GLB1: variants seen among roughly 807,000 people sequenced by gnomAD.
GLB1 encodes beta-galactosidase.
In GLB1, 56 loss-of-function variants were observed where a neutral mutation model predicts 74.0. The observed-to-expected ratio is 0.76, with a 90% confidence interval of 0.61 to 0.94. GLB1 has a LOEUF of 0.94. Ranked by LOEUF, GLB1 falls within the 40% of genes least tolerant of loss-of-function variation. The pLI is 0.00. For synonymous variants in GLB1, 323 were observed against 323.6 expected (o/e 1.00, Z 0.02); for missense variants, 787 against 845.5 (o/e 0.93, Z 0.86).
chr3:33,089,754 G>C (rs1165854653), intron 1 of GLB1, among the ~76,000 whole-genome samples: 1 of 152,118 alleles, frequency 6.6e-6, no homozygotes, highest in Non-Finnish European at 1.5e-5. Flanking sequence ...CTGGAGGAAG[G>C]GGGAAATGGA....
chr3:33,087,083 G>A (rs1020412289), intron 1 of GLB1, among the ~76,000 whole-genome samples: 7 of 149,814 alleles, frequency 4.7e-5, no homozygotes, highest in African/African-American at 1.7e-4. Flanking sequence ...AATGAAGAGG[G>A]GACATTATAA....
chr3:33,024,314 T>C lies in GLB1; in HGVS notation c.1080A>G (p.Val360=). Residue 360 remains valine, a synonymous_variant, in exon 11 of 16, where the codon GTA becomes GTG. Transcript: ENST00000307363. ...TAGATGGAGGGATAGGACCTTCTGG[T>C]ACTTTTTCAAACTATAAACCAGAGT... The part of the protein sequence containing the change: ...LRNIIQKFEK[V]PEGPIPPSTP... The C allele has an allele frequency of 1.9e-6, 3 of 1,612,706 alleles. No individual in the cohort carries two copies. Among genetic ancestry groups the C allele is most frequent in the Non-Finnish European group, 2.5e-6 (3 of 1,179,796 alleles).
At chr3:33,067,088 T>C (rs1359393435) in intron 4 of GLB1, among the ~76,000 whole-genome samples, 1 of 150,802 alleles carries the variant, frequency 6.6e-6, no homozygotes, top group Non-Finnish European at 1.5e-5. Flanking sequence ...CTGCAACCTC[T>C]GCCTCCCAGC....
intron 15 of GLB1, among the ~76,000 whole-genome samples, chr3:32,998,824 A>G (rs1393868751): frequency 6.6e-6 from 1 of 152,178 alleles, no homozygotes; most frequent in Non-Finnish European, 1.5e-5. Context: ...GTTCTGCAAC[A>G]CAACTCTGCT....
At chr3:32,994,671 G>A (rs192960862), downstream of GLB1, among the ~76,000 whole-genome samples, 231 of 152,042 alleles carry the variant, frequency 1.5e-3, no homozygotes, top group African/African-American at 5.0e-3. Context: ...CTGTAATCCC[G>A]GCGATTTGGG....
chr3:33,053,629 C>G (rs75639377), intron 6 of GLB1, 80 bp from the exon 7 acceptor site: 2 of 1,584,890 alleles, frequency 1.3e-6, no homozygotes, highest in Admixed American at 3.4e-5. Flanking sequence ...TCATGGGACT[C>G]GGGCCTGAAG....
rs66685286 is a variant in GLB1, at chr3:33,042,370, CTTTTTTT to C, written c.1068+3743_1068+3749del. Among the ~76,000 whole-genome samples, 69 of 99,236 alleles carry C rather than the reference CTTTTTTT, an allele frequency of 7.0e-4. 1 individual carries two copies. Among genetic ancestry groups the C allele is most frequent in the Non-Finnish European group, 9.9e-4 (50 of 50,488 alleles). The allele number at this position is 99,236 out of a possible 152,430, so 65.1% of individuals were successfully genotyped here. A position where few individuals can be genotyped will look rare whatever the true frequency, so the allele number is the denominator to read the frequency against. Reference sequence around the variant, plus strand: ...TATATCCCTGACCCCTCATCTCCTCCTTTTTTTTTTTTTTTTTTTCCAAGTCTCGCTC... The same window carrying C: ...TATATCCCTGACCCCTCATCTCCTCCTTTTTTTTTTTTCCAAGTCTCGCTC... On this transcript the variant is annotated intron_variant, in intron 10 of 15. Coordinates refer to ENST00000307363, the MANE Select transcript of GLB1 (RefSeq NM_000404.4).
intron 10 of GLB1, chr3:33,030,286 A>T (rs1371814975): frequency 6.3e-6 from 1 of 159,292 alleles, no homozygotes; most frequent in African/African-American, 2.4e-5. Context: ...TTTAGATACT[A>T]CACTTGATCT....
At chr3:33,030,804 T>C (rs1697972899) in intron 10 of GLB1, 1 of 985,318 alleles carries the variant, frequency 1.0e-6, no homozygotes, top group Non-Finnish European at 1.2e-6. Flanking sequence ...CTTACGTTGA[T>C]GGAATCCCTA....
At chr3:33,081,353 G>A (rs990707630) in intron 1 of GLB1, among the ~76,000 whole-genome samples, 2 of 152,330 alleles carry the variant, frequency 1.3e-5, no homozygotes, top group South Asian at 2.1e-4. Flanking sequence ...CTATTGGTAA[G>A]AGCCCAGTCC....
chr3:33,079,747 A>C (rs987755801), intron 1 of GLB1, among the ~76,000 whole-genome samples: 2 of 152,100 alleles, frequency 1.3e-5, no homozygotes, highest in African/African-American at 2.4e-5. Context: ...GCACTTTGGG[A>C]GGGATATAGG....
In GLB1 at chr3:33,094,318, C is replaced by A. The variant is rs1700911583; in HGVS notation, c.75+2693G>T. ...GTCAACTCCGCCTGCAACCAGGAAC[C>A]AGCATCAGCTTTGTGGGATATTAGA... is the stretch of plus-strand genomic sequence containing the variant. On this transcript the variant is annotated intron_variant, in intron 1 of 15. Coordinates refer to ENST00000307363, the MANE Select transcript of GLB1 (RefSeq NM_000404.4). 2.0e-6 allele frequency: 3 copies of A among 1,475,494 alleles called. No homozygotes were observed. The African/African-American group carries it at 4.2e-5, about 21-fold the overall frequency. 91.4% of individuals were successfully genotyped at this position (1,475,494 alleles called of 1,614,324 possible). A position where few individuals can be genotyped will look rare whatever the true frequency, so the allele number is the denominator to read the frequency against.
chr3:32,973,314 A>G, the GLB1 span, among the ~76,000 whole-genome samples: 8 of 152,004 alleles, frequency 5.3e-5, no homozygotes, highest in African/African-American at 1.9e-4. Context: ...GTGTATATAT[A>G]TATTTGGTTA....
At chr3:33,063,988 G>A (rs535134268) in intron 5 of GLB1, among the ~76,000 whole-genome samples, 35 of 151,894 alleles carry the variant, frequency 2.3e-4, no homozygotes, top group Non-Finnish European at 4.7e-4. Context: ...CAGTGCCCAT[G>A]CTCCCACCCT....
At chr3:33,016,925 T>A in intron 13 of GLB1, 85 bp from the exon 14 acceptor site, 1 of 1,571,820 alleles carries the variant, frequency 6.4e-7, no homozygotes, top group South Asian at 1.2e-5. Context: ...AATTTAGCAC[T>A]CATTTTCTTG....
At position 33,051,741 on chromosome 3, in the gene GLB1, T is replaced by A. The variant is rs1698998931; in HGVS notation, c.955+17A>T. ...ACATTCTAGCATAAGTTTCTACAGA[T>A]ATTAAAGTGCTCTTACCATTCCAAT... On this transcript the variant is annotated intron_variant, in intron 9 of 15. Coordinates refer to ENST00000307363, the MANE Select transcript of GLB1 (RefSeq NM_000404.4). The A allele has an allele frequency of 6.2e-7, 1 of 1,613,998 alleles. No individual in the cohort carries two copies. Among genetic ancestry groups the A allele is most frequent in the South Asian group, 1.1e-5 (1 of 91,078 alleles).
intron 14 of GLB1, among the ~76,000 whole-genome samples, chr3:33,015,891 T>C (rs1215946090): frequency 1.3e-5 from 2 of 152,170 alleles, no homozygotes; most frequent in African/African-American, 4.8e-5. Flanking sequence ...CTCGCGGAGG[T>C]TGAGCTCCCT....
chr3:32,967,493 G>T, the GLB1 span, among the ~76,000 whole-genome samples: 1 of 152,180 alleles, frequency 6.6e-6, no homozygotes, highest in Non-Finnish European at 1.5e-5. Context: ...CTTGAACCTG[G>T]GAGGTGGAGG....
intron 1 of GLB1, chr3:33,091,351 C>T: frequency 1.0e-6 from 1 of 985,424 alleles, no homozygotes; most frequent in African/African-American, 1.7e-5. Context: ...AGGAAGAAAC[C>T]CCCTTTGCCT....
Sources: allele counts gnomAD v4.1 joint callset (sites outside exome capture counted in the v4.1 genomes callset), GRCh38; gene constraint gnomAD v4.1.1; transcripts MANE v1.5; gene names NCBI Gene and HGNC (gene_info 2026-07-23, HGNC 2026-07-21).